Variants in MYRF observed in about 807,000 individuals in gnomAD.
MYRF encodes the protein myelin gene regulatory factor.
Under a neutral mutation model 126.3 loss-of-function variants are expected in MYRF, and 16 were observed. That is an observed-to-expected ratio of 0.13 (90% CI 0.09 to 0.19). The LOEUF (loss-of-function observed/expected upper bound fraction) is 0.19. Among genes scored for constraint, MYRF ranks in the 10% least tolerant of loss-of-function variants. The pLI is 1.00. For missense variants in MYRF, 1,104 were observed against 1,547.0 expected, an observed-to-expected ratio of 0.71 and a Z score of 4.80; for synonymous variants, 608 against 635.3, an observed-to-expected ratio of 0.96 and a Z score of 0.65.
At chr11:61,763,514 G>A (rs917474335) in intron 1 of MYRF, among the ~76,000 whole-genome samples, 1 of 152,232 alleles carries the variant, frequency 6.6e-6, no homozygotes, top group Admixed American at 6.5e-5. Flanking sequence ...TGGGCTGGGA[G>A]GATTGAGTAA....
chr11:61,781,871 C>T (rs767369745), intron 22 of MYRF, 47 bp downstream of exon 22: 305 of 1,492,076 alleles, frequency 2.0e-4, no homozygotes, highest in Non-Finnish European at 2.4e-4. Context: ...TGGCAAGGCT[C>T]ACTGGCCAGG....
intron 24 of MYRF, 27 bp from the exon 25 acceptor site, chr11:61,784,253 T>C (rs2066631376): frequency 1.9e-6 from 3 of 1,607,560 alleles, no homozygotes; most frequent in Non-Finnish European, 2.6e-6. Context: ...AGAACCTCAT[T>C]TCTCTGCTAA....
chr11:61,779,606 G>A (rs755270602), intron 16 of MYRF, 36 bp downstream of exon 16: 2 of 1,463,440 alleles, frequency 1.4e-6, no homozygotes, highest in South Asian at 2.9e-5. Context: ...GGGTTGGAAA[G>A]GGGGCCTCCC....
Position 61,771,924 on chromosome 11 carries a change from A to C in MYRF, c.1087A>C (p.Thr363Pro), listed in dbSNP as rs1234187781. 1.9e-6 allele frequency: 3 copies of C among 1,613,728 alleles called. No homozygotes were observed. Among genetic ancestry groups the C allele is most frequent in the Admixed American group, 3.3e-5 (2 of 59,998 alleles). ...GCCTCATCAGCAGAACAAGTGGGCG[A>C]CCCTGTACGATGCTAACTACAAGGA... Reference protein sequence around the residue: ...WQPHQQNKWATLYDANYKELP... With the variant: ...WQPHQQNKWAPLYDANYKELP... Residue 363 changes from threonine (T) to proline (P), a missense_variant, in exon 7 of 27, where the codon ACC becomes CCC. Physicochemically the swap from Thr to Pro is conservative, Grantham distance 38. This residue lies in a region of MYRF where 87 missense variants were observed against 129.2 expected (regional missense o/e 0.67). Coordinates refer to ENST00000278836, the MANE Select transcript of MYRF (RefSeq NM_001127392.3).
In MYRF at chr11:61,778,557, C is replaced by A; in HGVS notation, c.2013+68C>A. 2 of 1,123,968 alleles carry A rather than the reference C, an allele frequency of 1.8e-6. No homozygotes were observed. Among genetic ancestry groups the A allele is most frequent in the Non-Finnish European group, 1.4e-6 (1 of 735,400 alleles). The allele number at this position is 1,123,968 out of a possible 1,614,324, so 69.6% of individuals were successfully genotyped here. A position where few individuals can be genotyped will look rare whatever the true frequency, so the allele number is the denominator to read the frequency against. ...GGAGCCAGCTGGGGAACACTCATCA[C>A]CTCCATAGATACTGGGGGCACTGCA... On this transcript the variant is annotated intron_variant, in intron 14 of 26. Coordinates refer to ENST00000278836, the MANE Select transcript of MYRF (RefSeq NM_001127392.3). This position sits in a 1 kb window ranked among gnomAD's most constrained non-coding sequence, Gnocchi z 4.6.
chr11:61,767,400 A>C (rs547589), intron 3 of MYRF: 281,846 of 456,276 alleles, frequency 0.62, 91,056 homozygotes, highest in East Asian at 0.99. Flanking sequence ...GGCCACTGCT[A>C]CCGTCAGGAT....
Position 61,781,711 on chromosome 11 carries a change from G to T in MYRF, c.2903G>T (p.Gly968Val). ...AGCCCTGCAGTCCCCTTCCCTGGGG[G>T]GCAGGGCAAAGCCAAGAACAGTCCC... is the stretch of plus-strand genomic sequence containing the variant. ...LASPAVPFPG[G>V]QGKAKNSPSL... The change falls in exon 22 of 27, where the codon GGG becomes GTG. Residue 968 changes from glycine to valine, a missense_variant. Coordinates refer to ENST00000278836, the MANE Select transcript of MYRF (RefSeq NM_001127392.3). 1.2e-6 allele frequency: 2 copies of T among 1,613,454 alleles called. No homozygotes were observed. Among genetic ancestry groups the T allele is most frequent in the Non-Finnish European group, 1.7e-6 (2 of 1,180,014 alleles).
chr11:61,764,835 C>T (rs889365752), intron 1 of MYRF, among the ~76,000 whole-genome samples: 3 of 152,214 alleles, frequency 2.0e-5, no homozygotes, highest in African/African-American at 4.8e-5. Context: ...CAGGAGAGGG[C>T]GGCAGGCAGA....
At chr11:61,774,521 CA>C (rs1404658465) in intron 8 of MYRF, among the ~76,000 whole-genome samples, 1,815 of 100,728 alleles carry the variant, frequency 0.018, 19 homozygotes, top group Non-Finnish European at 0.028. Context: ...GACTTCATCT[CA>C]AAAAAAAAAA....
Position 61,778,555 on chromosome 11 carries a change from C to T in MYRF, c.2013+66C>T. The T allele has an allele frequency of 1.8e-6, 2 of 1,141,308 alleles. No homozygotes were observed. The highest frequency in any genetic ancestry group is 2.5e-5 in the South Asian group (2 of 81,242). 70.7% of individuals were successfully genotyped at this position (1,141,308 alleles called of 1,614,324 possible). A position where few individuals can be genotyped will look rare whatever the true frequency, so the allele number is the denominator to read the frequency against. On this transcript the variant is annotated intron_variant, in intron 14 of 26. Coordinates refer to ENST00000278836, the MANE Select transcript of MYRF (RefSeq NM_001127392.3). This position sits in a 1 kb window ranked among gnomAD's most constrained non-coding sequence, Gnocchi z 4.6. The stretch of plus-strand genomic sequence containing the variant: ...GGGGAGCCAGCTGGGGAACACTCAT[C>T]ACCTCCATAGATACTGGGGGCACTG...
In MYRF at chr11:61,781,001, C is replaced by A. The variant is rs1339679683; in HGVS notation, c.2528C>A (p.Pro843His). ...SFGTTQLRQSPLTTGLPGIQP... is the reference protein window; with the variant it reads ...SFGTTQLRQSHLTTGLPGIQP... ...GGGACCACGCAGCTCCGACAGTCCC[C>A]CTTGACCACGGGGCTACCAGGCATA... The change falls in exon 20 of 27, where the codon CCC (proline) becomes CAC (histidine). Residue 843 changes from proline to histidine, a missense_variant. Pro to His is a moderately conservative substitution (Grantham distance 77, BLOSUM62 -2). This residue lies in a region of MYRF where 323 missense variants were observed against 383.1 expected (regional missense o/e 0.84). Coordinates refer to ENST00000278836, the MANE Select transcript of MYRF (RefSeq NM_001127392.3). 6.2e-7 allele frequency: 1 copy of A among 1,610,224 alleles called. No homozygotes were observed. The highest frequency in any genetic ancestry group is 1.7e-5 in the Admixed American group (1 of 60,018).
At chr11:61,755,347 G>A (rs909996783) in intron 1 of MYRF, 30 of 1,590,032 alleles carry the variant, frequency 1.9e-5, no homozygotes, top group Non-Finnish European at 2.5e-5. Context: ...TGACCGCCCG[G>A]CTAATCCCCT....
At chr11:61,760,823 C>T (rs2065876168) in intron 1 of MYRF, among the ~76,000 whole-genome samples, 1 of 152,162 alleles carries the variant, frequency 6.6e-6, no homozygotes, top group African/African-American at 2.4e-5. Context: ...GTGGGAAGTC[C>T]ACATTAGAAA....
At chr11:61,755,509 G>A in intron 1 of MYRF, 1 of 1,572,544 alleles carries the variant, frequency 6.4e-7, no homozygotes, top group Non-Finnish European at 8.7e-7. Context: ...ACAGGGCAGT[G>A]TCTGAGAATC....
rs761015382 is a variant in MYRF at position 61,766,109 on chromosome 11, G to A, written c.286G>A (p.Gly96Ser). ...TGGTCCCCTCCCACCCCCGGGCTAC[G>A]GCACCCCGCTGAACTGCAACAACAA... Reference protein sequence around the residue: ...RHGPLPPPGYGTPLNCNNNNG... With the variant: ...RHGPLPPPGYSTPLNCNNNNG... Residue 96 changes from glycine to serine, a missense_variant, in exon 3 of 27, where the codon GGC (glycine) becomes AGC (serine). Gly to Ser is a moderately conservative substitution (Grantham distance 56). Coordinates refer to ENST00000278836, the MANE Select transcript of MYRF (RefSeq NM_001127392.3). The A allele has an allele frequency of 1.8e-5, 29 of 1,608,308 alleles. No homozygotes were observed. The highest frequency in any genetic ancestry group is 1.5e-4 in the Admixed American group (9 of 59,972).
At chr11:61,759,505 A>G (rs905786827) in intron 1 of MYRF, among the ~76,000 whole-genome samples, 19 of 152,146 alleles carry the variant, frequency 1.2e-4, no homozygotes, top group Admixed American at 6.5e-5. Context: ...TCCCGTCTCT[A>G]CAAAAAATAC....
chr11:61,780,643 C>A, intron 18 of MYRF, 69 bp from the exon 19 acceptor site: 1 of 1,474,406 alleles, frequency 6.8e-7, no homozygotes, highest in African/African-American at 1.4e-5. Context: ...CCTGGGGCCA[C>A]CTCTGACTGT....
chr11:61,785,862 G>C lies in MYRF; in HGVS notation c.3363G>C (p.Arg1121=), dbSNP rs766381002. The C allele has an allele frequency of 6.8e-6, 11 of 1,614,018 alleles. No individual in the cohort carries two copies. Among genetic ancestry groups the C allele is most frequent in the Non-Finnish European group, 8.5e-6 (10 of 1,180,018 alleles). ...TCCGTGAATTCACCTACCACTTCCG[G>C]GTGGCACTGCTGGTGAGCAGGGGCA... ...LSFREFTYHF[R]VALLGQANCS... Residue 1121 remains arginine (R), a synonymous_variant, in exon 26 of 27, where the codon CGG becomes CGC. Coordinates refer to ENST00000278836, the MANE Select transcript of MYRF (RefSeq NM_001127392.3).
Position 61,776,676 on chromosome 11 carries a change from G to C in MYRF, c.1500-111G>C. On this transcript the variant is annotated intron_variant, in intron 10 of 26. Transcript: ENST00000278836. This position sits in a 1 kb window ranked among gnomAD's most constrained non-coding sequence, Gnocchi z 4.3. ...ATTTCTGCCCCCTGGTGGAGGCTCG[G>C]GTTCCTCCTCTGTAGGAGGGGGTGA... The C allele has an allele frequency of 1.1e-6, 1 of 916,258 alleles. No homozygotes were observed. The highest frequency in any genetic ancestry group is 1.6e-6 in the Non-Finnish European group (1 of 610,470). The allele number at this position is 916,258 out of a possible 1,614,324, so 56.8% of individuals were successfully genotyped here. A position where few individuals can be genotyped will look rare whatever the true frequency, so the allele number is the denominator to read the frequency against.
Sources: allele counts gnomAD v4.1 joint callset (sites outside exome capture counted in the v4.1 genomes callset), GRCh38; gene constraint gnomAD v4.1.1; regional missense constraint gnomAD v4.1.1; non-coding constraint Gnocchi (gnomAD v3.1); transcripts MANE v1.5; gene names NCBI Gene and HGNC (gene_info 2026-07-23, HGNC 2026-07-21).